The following MTREX variants were observed in gnomAD, a reference collection of about 807,000 sequenced individuals.
MTREX encodes the protein Mtr4 exosome RNA helicase.
A neutral mutation model predicts 135.4 loss-of-function variants in MTREX; 76 were observed. The ratio of observed to expected loss-of-function variants is 0.56; its 90% CI spans 0.47 to 0.68. The LOEUF (loss-of-function observed/expected upper bound fraction) is 0.68, where lower values mean the gene tolerates loss of function less well. Among genes scored for constraint, MTREX ranks in the 30% least tolerant of loss-of-function variants. MTREX has a pLI of 0.00. For missense variants in MTREX, 920 were observed against 1,262.1 expected, an observed-to-expected ratio of 0.73 and a Z score of 4.11; for synonymous variants, 404 against 401.6, an observed-to-expected ratio of 1.01 and a Z score of -0.07.
In MTREX at chr5:55,347,021, A is replaced by C. The variant is rs368179312; in HGVS notation, c.1117A>C (p.Asn373His). 8.1e-6 allele frequency: 13 copies of C among 1,607,410 alleles called. No homozygotes were observed. Among genetic ancestry groups the C allele is most frequent in the Non-Finnish European group, 9.3e-6 (11 of 1,177,918 alleles). ...GTTTACTGTTTTTGCAGGACCATCA[A>C]ATGTTTTCAAAATTGTGAAGATGAT... ...GRKGGTKGPSNVFKIVKMIME... is the reference protein window; with the variant it reads ...GRKGGTKGPSHVFKIVKMIME... The change falls in exon 11 of 27, where the codon AAT (asparagine) becomes CAT (histidine). Residue 373 changes from asparagine to histidine, a missense_variant. Coordinates refer to ENST00000230640, the MANE Select transcript of MTREX (RefSeq NM_015360.5).
intron 15 of MTREX, among the ~76,000 whole-genome samples, chr5:55,363,455 AT>A (rs929687631): frequency 7.2e-5 from 11 of 152,184 alleles, no homozygotes; most frequent in African/African-American, 2.7e-4. Flanking sequence ...GCAAAAAGGA[AT>A]TCTTCGAAGT....
intron 19 of MTREX, among the ~76,000 whole-genome samples, chr5:55,390,033 T>C (rs1170920333): frequency 6.6e-6 from 1 of 152,196 alleles, no homozygotes; most frequent in South Asian, 2.1e-4. Flanking sequence ...ATAATCATCC[T>C]TGCCCTGTCT....
chr5:55,369,321 C>T (rs1395291456), intron 16 of MTREX, among the ~76,000 whole-genome samples: 3 of 152,024 alleles, frequency 2.0e-5, no homozygotes, highest in African/African-American at 7.2e-5. Flanking sequence ...TAAAGTATTC[C>T]TCCTAAGCAG....
chr5:55,338,020 T>A (rs1749582046), intron 5 of MTREX, among the ~76,000 whole-genome samples: 2 of 152,154 alleles, frequency 1.3e-5, no homozygotes, highest in African/African-American at 2.4e-5. Context: ...TATTTAATAC[T>A]GTCATATATT....
At chr5:55,327,509 G>A (rs571293053) in intron 3 of MTREX, 5 of 512,080 alleles carry the variant, frequency 9.8e-6, no homozygotes, top group East Asian at 3.2e-5. Flanking sequence ...AGACAAATGC[G>A]AGTAGATGTA....
At chr5:55,342,529 G>A (rs1361048943) in intron 7 of MTREX, among the ~76,000 whole-genome samples, 2 of 152,170 alleles carry the variant, frequency 1.3e-5, no homozygotes, top group African/African-American at 4.8e-5. Context: ...CCTTACTTAG[G>A]CTGTTACGCT....
chr5:55,348,575 A>G (rs1749775795), intron 11 of MTREX, among the ~76,000 whole-genome samples: 1 of 152,230 alleles, frequency 6.6e-6, no homozygotes, highest in Non-Finnish European at 1.5e-5. Context: ...TTCTTTATCA[A>G]GGCAGGTTTT....
intron 18 of MTREX, among the ~76,000 whole-genome samples, chr5:55,383,140 G>C (rs983001378): frequency 6.6e-6 from 1 of 151,932 alleles, no homozygotes; most frequent in African/African-American, 2.4e-5. Flanking sequence ...CTATATTTTG[G>C]TATGTTACAG....
chr5:55,384,625 C>T (rs1750449807), intron 18 of MTREX, among the ~76,000 whole-genome samples: 1 of 152,168 alleles, frequency 6.6e-6, no homozygotes, highest in South Asian at 2.1e-4. Context: ...TATTCCCCTC[C>T]CTGCCTCCAC....
intron 14 of MTREX, among the ~76,000 whole-genome samples, chr5:55,353,847 G>A (rs941396291): frequency 6.6e-6 from 1 of 152,184 alleles, no homozygotes; most frequent in African/African-American, 2.4e-5. Flanking sequence ...AGTGGTTTAT[G>A]AATGCTTTAA....
Position 55,308,094 on chromosome 5 carries a change from G to A in MTREX, c.81G>A (p.Lys27=), listed in dbSNP as rs748370811. 33 of 1,613,826 alleles carry A rather than the reference G, an allele frequency of 2.0e-5. No homozygotes were observed. Among genetic ancestry groups the A allele is most frequent in the Non-Finnish European group, 2.5e-5 (30 of 1,179,948 alleles). Reference sequence around the variant, plus strand: ...CTGCGGCGGGAACCAAAAAAGACAAGGAAAAGGACAAGGGGAAATGGAAGG... The same window carrying A: ...CTGCGGCGGGAACCAAAAAAGACAAAGAAAAGGACAAGGGGAAATGGAAGG... ...STTAAGTKKD[K]EKDKGKWKGP... Residue 27 remains lysine (K), a synonymous_variant, in exon 1 of 27, where the codon AAG becomes AAA. Coordinates refer to ENST00000230640, the MANE Select transcript of MTREX (RefSeq NM_015360.5).
At chr5:55,314,660 A>G (rs1749168906) in intron 1 of MTREX, among the ~76,000 whole-genome samples, 1 of 152,222 alleles carries the variant, frequency 6.6e-6, no homozygotes, top group African/African-American at 2.4e-5. Context: ...TGTAAGACCT[A>G]TATTGCACTT....
chr5:55,353,476 G>A (rs1428241513), intron 14 of MTREX, among the ~76,000 whole-genome samples: 2 of 152,180 alleles, frequency 1.3e-5, no homozygotes, highest in Non-Finnish European at 2.9e-5. Context: ...GCCAAGGTGG[G>A]AGGATGATTT....
At chr5:55,417,504 C>T (rs1373080258) in intron 25 of MTREX, among the ~76,000 whole-genome samples, 1 of 152,208 alleles carries the variant, frequency 6.6e-6, no homozygotes, top group Non-Finnish European at 1.5e-5. Flanking sequence ...CTAGACTATA[C>T]CATCTCCATC....
intron 4 of MTREX, 133 bp downstream of exon 4, chr5:55,327,911 C>T (rs1749409727): frequency 1.7e-6 from 1 of 592,838 alleles, no homozygotes; most frequent in East Asian, 2.8e-5. Flanking sequence ...CAACTAAAGA[C>T]AAATATAATG....
At chr5:55,424,609 G>A in intron 26 of MTREX, 111 bp from the exon 27 acceptor site, 1 of 698,838 alleles carries the variant, frequency 1.4e-6, no homozygotes, top group Non-Finnish European at 2.6e-6. Flanking sequence ...TTTCTAGGCT[G>A]CTCGCTTACC....
Position 55,378,600 on chromosome 5 carries a change from G to C in MTREX, c.1983+114G>C, listed in dbSNP as rs565184221. 71 of 1,184,492 alleles carry C rather than the reference G, an allele frequency of 6.0e-5. No individual in the cohort carries two copies. The African/African-American group carries it at 1.1e-3, about 19-fold the overall frequency. 73.4% of individuals were successfully genotyped at this position (1,184,492 alleles called of 1,614,324 possible). A position where few individuals can be genotyped will look rare whatever the true frequency, so the allele number is the denominator to read the frequency against. On this transcript the variant is annotated intron_variant, in intron 17 of 26. Coordinates refer to ENST00000230640, the MANE Select transcript of MTREX (RefSeq NM_015360.5). ...TAAAATGCTTCCTGCTACAATAGTTGATCTATATTAATCATATTATTTTAC... is the reference window on the plus strand; with the variant it reads ...TAAAATGCTTCCTGCTACAATAGTTCATCTATATTAATCATATTATTTTAC...
chr5:55,389,088 T>C (rs575961188), intron 19 of MTREX, among the ~76,000 whole-genome samples: 6 of 152,350 alleles, frequency 3.9e-5, no homozygotes, highest in Admixed American at 3.3e-4. Context: ...ACCTAAACTT[T>C]GGTCTCCTTT....
At chr5:55,340,604 T>G (rs1364973352) in intron 6 of MTREX, among the ~76,000 whole-genome samples, 1 of 152,160 alleles carries the variant, frequency 6.6e-6, no homozygotes, top group East Asian at 1.9e-4. Flanking sequence ...TTTTTTGAGA[T>G]GGAGTCTCGT....
Sources: allele counts gnomAD v4.1 joint callset (sites outside exome capture counted in the v4.1 genomes callset), GRCh38; gene constraint gnomAD v4.1.1; transcripts MANE v1.5; gene names NCBI Gene and HGNC (gene_info 2026-07-23, HGNC 2026-07-21).